TAFA1: variants seen among roughly 807,000 people sequenced by gnomAD.
TAFA1 encodes TAFA chemokine like family member 1, also known as chemokine-like protein TAFA-1.
A neutral mutation model predicts 18.5 loss-of-function variants in TAFA1; 4 were observed. That is an observed-to-expected ratio of 0.22 (90% CI 0.11 to 0.49). The LOEUF is 0.49. TAFA1 is among the 20% of genes least tolerant of loss of function. The pLI is 0.98. For missense variants in TAFA1, 147 were observed against 169.0 expected (o/e 0.87, Z 0.72); for synonymous variants, 56 against 55.2 (o/e 1.01, Z -0.06).
At chr3:68,445,170 A>G (rs955793533) in intron 3 of TAFA1, among the ~76,000 whole-genome samples, 5 of 152,038 alleles carry the variant, frequency 3.3e-5, no homozygotes, top group African/African-American at 4.8e-5. Flanking sequence ...TGAGCATTTT[A>G]TTTTCTTTGC....
chr3:68,413,811 A>AT (rs35672491), intron 2 of TAFA1, among the ~76,000 whole-genome samples: 1 of 152,126 alleles, frequency 6.6e-6, no homozygotes, highest in South Asian at 2.1e-4. Context: ...AGTATGATTT[A>AT]TTTTAAGTAG....
At chr3:68,124,392 G>A (rs1051129857) in intron 2 of TAFA1, among the ~76,000 whole-genome samples, 4 of 152,200 alleles carry the variant, frequency 2.6e-5, no homozygotes, top group African/African-American at 9.7e-5. Context: ...AGAGATGTCT[G>A]TATGTGGCCC....
chr3:68,061,546 G>T (rs1350737681), intron 2 of TAFA1, among the ~76,000 whole-genome samples: 1 of 152,194 alleles, frequency 6.6e-6, no homozygotes, highest in Non-Finnish European at 1.5e-5. Context: ...GTACAGGCAG[G>T]ATGAAAATAC....
At chr3:68,229,028 C>T (rs973949719) in intron 2 of TAFA1, among the ~76,000 whole-genome samples, 1 of 152,222 alleles carries the variant, frequency 6.6e-6, no homozygotes, top group Non-Finnish European at 1.5e-5. Context: ...GACCACCCAC[C>T]ATCTGCCCCC....
Position 68,510,720 on chromosome 3 carries a change from G to A in TAFA1, c.260-28036G>A, listed in dbSNP as rs114194311. On this transcript the variant is annotated intron_variant, in intron 3 of 4. Coordinates refer to ENST00000478136, the MANE Select transcript of TAFA1 (RefSeq NM_213609.4). Reference sequence around the variant, plus strand: ...AGTGACATAGTTAATTAACAACAGAGGGCAGATGTACACTGGGGAATTTTG... The same window carrying A: ...AGTGACATAGTTAATTAACAACAGAAGGCAGATGTACACTGGGGAATTTTG... Among the ~76,000 whole-genome samples the A allele has an allele frequency of 6.3e-3, 961 of 152,132 alleles. 12 individuals carry two copies. The highest frequency in any genetic ancestry group is 0.021 in the African/African-American group (889 of 41,504).
intron 2 of TAFA1, among the ~76,000 whole-genome samples, chr3:68,380,065 G>A (rs139832955): frequency 0.02 from 2,973 of 152,068 alleles, 102 homozygotes; most frequent in African/African-American, 0.068. Flanking sequence ...ATGGTTTCCA[G>A]TTTCATCCAT....
chr3:68,293,071 A>G (rs777791790), intron 2 of TAFA1, among the ~76,000 whole-genome samples: 2 of 152,138 alleles, frequency 1.3e-5, no homozygotes, highest in Non-Finnish European at 2.9e-5. Context: ...GGTTTGTACT[A>G]ACAGCTACAA....
At chr3:68,072,837 G>T (rs2106752605) in intron 2 of TAFA1, among the ~76,000 whole-genome samples, 1 of 152,310 alleles carries the variant, frequency 6.6e-6, no homozygotes, top group Non-Finnish European at 1.5e-5. Flanking sequence ...TCTGAAGCTT[G>T]AAACACGTGA....
intron 2 of TAFA1, among the ~76,000 whole-genome samples, chr3:68,369,405 T>C (rs2069636071): frequency 6.6e-6 from 1 of 152,232 alleles, no homozygotes. Flanking sequence ...AAAAATTTAC[T>C]AAAGTGAATT....
chr3:68,298,874 G>A (rs1388204265), intron 2 of TAFA1, among the ~76,000 whole-genome samples: 1 of 152,130 alleles, frequency 6.6e-6, no homozygotes, highest in Non-Finnish European at 1.5e-5. Flanking sequence ...GTGTGACAAT[G>A]GTCTAATACA....
intron 2 of TAFA1, among the ~76,000 whole-genome samples, chr3:68,286,818 C>T (rs1159311995): frequency 1.3e-5 from 2 of 152,094 alleles, no homozygotes; most frequent in African/African-American, 2.4e-5. Context: ...AGAGAAAACC[C>T]GTACGGGAAA....
chr3:68,047,442 A>G (rs1463940706), intron 2 of TAFA1, among the ~76,000 whole-genome samples: 1 of 152,136 alleles, frequency 6.6e-6, no homozygotes, highest in African/African-American at 2.4e-5. Context: ...GGGAAAGTTT[A>G]TTTTATATGG....
At chr3:68,294,893 A>G (rs1467270967) in intron 2 of TAFA1, among the ~76,000 whole-genome samples, 1 of 152,004 alleles carries the variant, frequency 6.6e-6, no homozygotes, top group Non-Finnish European at 1.5e-5. Flanking sequence ...AAAAAGAAAA[A>G]ATTTACTTCT....
chr3:68,309,332 G>T (rs1171244801), intron 2 of TAFA1, among the ~76,000 whole-genome samples: 1 of 152,148 alleles, frequency 6.6e-6, no homozygotes, highest in African/African-American at 2.4e-5. Flanking sequence ...CTAGTACCTT[G>T]AAGGGATAAG....
chr3:68,418,543 C>A (rs1170244629), intron 3 of TAFA1, among the ~76,000 whole-genome samples: 1 of 151,706 alleles, frequency 6.6e-6, no homozygotes, highest in Non-Finnish European at 1.5e-5. Context: ...AGGGCATATT[C>A]ACTTCTTTTG....
chr3:68,028,184 C>T (rs917885919), intron 2 of TAFA1, among the ~76,000 whole-genome samples: 6 of 152,060 alleles, frequency 3.9e-5, no homozygotes, highest in Non-Finnish European at 7.4e-5. Context: ...CCTGTAATCC[C>T]AGCTACCCAG....
intron 2 of TAFA1, among the ~76,000 whole-genome samples, chr3:68,112,482 T>C (rs984392891): frequency 6.6e-6 from 1 of 152,204 alleles, no homozygotes; most frequent in African/African-American, 2.4e-5. Context: ...ATTTCTTTAA[T>C]CTAATACATT....
intron 2 of TAFA1, among the ~76,000 whole-genome samples, chr3:68,191,623 A>C (rs2066340971): frequency 6.6e-6 from 1 of 151,848 alleles, no homozygotes; most frequent in Non-Finnish European, 1.5e-5. Context: ...GCTCATCCTA[A>C]CTCTATAGTT....
intron 2 of TAFA1, among the ~76,000 whole-genome samples, chr3:68,321,642 A>G (rs2068698867): frequency 6.6e-6 from 1 of 152,158 alleles, no homozygotes; most frequent in Admixed American, 6.5e-5. Context: ...TATTTGGCTA[A>G]CAGGAAGCCA....
Sources: gnomAD v4.1 joint callset for allele counts (sites outside exome capture counted in the v4.1 genomes callset) on GRCh38, gnomAD v4.1.1 for gene constraint, MANE v1.5 for transcripts, NCBI Gene and HGNC (gene_info 2026-07-23, HGNC 2026-07-21) for gene names.